Variants in CACNB2 observed in about 807,000 individuals in gnomAD.
CACNB2 encodes the protein calcium voltage-gated channel auxiliary subunit beta 2, also known as voltage-dependent L-type calcium channel subunit beta-2.
Under a neutral mutation model 73.3 loss-of-function variants are expected in CACNB2, and 42 were observed. The ratio of observed to expected loss-of-function variants is 0.57; its 90% CI spans 0.45 to 0.74. The LOEUF is 0.74. CACNB2 is among the 30% of genes least tolerant of loss of function. The pLI is 0.00. For synonymous variants in CACNB2, 348 were observed against 310.3 expected (o/e 1.12, Z -1.28); for missense variants, 940 against 853.0 (o/e 1.10, Z -1.27).
chr10:18,361,611 T>TC (rs774461285), intron 2 of CACNB2, among the ~76,000 whole-genome samples: 6 of 148,422 alleles, frequency 4.0e-5, no homozygotes, highest in African/African-American at 1.2e-4. Context: ...AAGGTAAAAT[T>TC]CTTTTTTTTT....
intron 5 of CACNB2, among the ~76,000 whole-genome samples, chr10:18,504,599 A>G (rs61066999): frequency 0.11 from 16,426 of 152,100 alleles, 1,289 homozygotes; most frequent in East Asian, 0.37. Context: ...ATGTGAAAAT[A>G]CTTTTACTTG....
In CACNB2 at chr10:18,278,190, G is replaced by A. The variant is rs540066779; in HGVS notation, c.214-123734G>A. Among the ~76,000 whole-genome samples, 3 of 152,168 alleles carry A rather than the reference G, an allele frequency of 2.0e-5. No individual in the cohort carries two copies. In the South Asian group the frequency reaches 6.2e-4, roughly 32 times the overall value. ...AAATGCAGGATTTAGCTTATGACTT[G>A]ATGTGGTGGCTGGGCACAGTGTCCC... On this transcript the variant is annotated intron_variant, in intron 2 of 13. Coordinates refer to ENST00000324631, the MANE Select transcript of CACNB2 (RefSeq NM_201596.3).
At chr10:18,417,605 T>G (rs2045066896) in intron 3 of CACNB2, among the ~76,000 whole-genome samples, 1 of 152,060 alleles carries the variant, frequency 6.6e-6, no homozygotes, top group African/African-American at 2.4e-5. Context: ...TGACCTCAAG[T>G]GATCCACCTG....
intron 2 of CACNB2, among the ~76,000 whole-genome samples, chr10:18,370,110 T>C (rs2042516158): frequency 1.3e-5 from 2 of 152,226 alleles, no homozygotes; most frequent in Admixed American, 1.3e-4. Flanking sequence ...TGGTTGCCAC[T>C]AGCCCTGCCT....
chr10:18,519,721 A>T, intron 9 of CACNB2: 1 of 456,018 alleles, frequency 2.2e-6, no homozygotes, highest in Non-Finnish European at 4.4e-6. Context: ...TTACAGGAAG[A>T]TTCCTTGAAA....
At chr10:18,302,400 C>T (rs1198420057) in intron 2 of CACNB2, among the ~76,000 whole-genome samples, 1 of 152,084 alleles carries the variant, frequency 6.6e-6, no homozygotes, top group Non-Finnish European at 1.5e-5. Flanking sequence ...CTTGCATGCA[C>T]GTTTATAGCA....
intron 13 of CACNB2, among the ~76,000 whole-genome samples, chr10:18,538,801 G>A (rs1271766062): frequency 6.6e-6 from 1 of 152,138 alleles, no homozygotes; most frequent in Non-Finnish European, 1.5e-5. Context: ...AGGGTCTACA[G>A]AACAGTGCCT....
chr10:18,194,051 G>A (rs935716967), intron 2 of CACNB2, among the ~76,000 whole-genome samples: 2 of 152,164 alleles, frequency 1.3e-5, no homozygotes, highest in African/African-American at 4.8e-5. Flanking sequence ...AGAAGCTGTG[G>A]TGTGAGCACA....
chr10:18,187,930 A>G (rs1247380265), intron 2 of CACNB2, among the ~76,000 whole-genome samples: 1 of 152,190 alleles, frequency 6.6e-6, no homozygotes, highest in East Asian at 1.9e-4. Context: ...TGAAGGGCTG[A>G]CAACAGTGGT....
chr10:18,410,695 G>T (rs2044572804), intron 3 of CACNB2, among the ~76,000 whole-genome samples: 1 of 151,970 alleles, frequency 6.6e-6, no homozygotes, highest in South Asian at 2.1e-4. Flanking sequence ...AAAAAAAAAT[G>T]TGTTGGCTGG....
chr10:18,155,851 AGAGAGAGAGAAT>A (rs2031999247), intron 2 of CACNB2, among the ~76,000 whole-genome samples: 1 of 145,062 alleles, frequency 6.9e-6, no homozygotes, highest in African/African-American at 2.6e-5. Flanking sequence ...TCTAGAGAAC[AGAGAGAGAGAAT>A]GAGAGAGAGA....
rs1554760464 is a variant in CACNB2, at chr10:18,152,728, A to AAAAC, written c.213+1756_213+1757insCAAA. Among the ~76,000 whole-genome samples the AAAAC allele has an allele frequency of 1.5e-4, 17 of 115,402 alleles. No homozygotes were observed. The East Asian group carries it at 4.5e-3, about 31-fold the overall frequency. The allele number at this position is 115,402 out of a possible 152,430, so 75.7% of individuals were successfully genotyped here. A position where few individuals can be genotyped will look rare whatever the true frequency, so the allele number is the denominator to read the frequency against. On this transcript the variant is annotated intron_variant, in intron 2 of 13. Transcript: ENST00000324631. Reference sequence around the variant, plus strand: ...ACAGACCAAAAAAAAAAAAAAAAAAAAAAACAAAAAACAAAACACTAGCTC... The same window carrying AAAAC: ...ACAGACCAAAAAAAAAAAAAAAAAAAAAACAAAACAAAAAACAAAACACTAGCTC...
intron 2 of CACNB2, among the ~76,000 whole-genome samples, chr10:18,256,045 A>C (rs1163497446): frequency 6.6e-6 from 1 of 152,222 alleles, no homozygotes; most frequent in Non-Finnish European, 1.5e-5. Context: ...CTGGCCAGGA[A>C]TAAATCCCTT....
intron 2 of CACNB2, among the ~76,000 whole-genome samples, chr10:18,282,606 G>A (rs1159916875): frequency 6.6e-6 from 1 of 152,192 alleles, no homozygotes; most frequent in Non-Finnish European, 1.5e-5. Flanking sequence ...AGAATGCTGA[G>A]CACTCTTTCT....
rs2053587888 is a variant in CACNB2 at position 18,536,275 on chromosome 10, G to GTTTTTTTTT, written c.1302+79_1302+80insTTTTTTTTT. The GTTTTTTTTT allele has an allele frequency of 7.6e-3, 706 of 92,442 alleles. 166 individuals are homozygous for GTTTTTTTTT. The highest frequency in any genetic ancestry group is 0.041 in the African/African-American group (417 of 10,144). The allele number at this position is 92,442 out of a possible 1,614,324, so 5.7% of individuals were successfully genotyped here. A position where few individuals can be genotyped will look rare whatever the true frequency, so the allele number is the denominator to read the frequency against. On this transcript the variant is annotated intron_variant, in intron 12 of 13. Transcript: ENST00000324631. The stretch of plus-strand genomic sequence containing the variant: ...TTTTTTTTTTTTTTTTTTTTTTTTG[G>GTTTTTTTTT]GGGACAAGGTCTTGCTCTGTTGCCC...
Position 18,325,910 on chromosome 10 carries a change from C to G in CACNB2, c.214-76014C>G, listed in dbSNP as rs1564438411. 2.0e-5 allele frequency among the ~76,000 whole-genome samples: 3 copies of G among 151,744 alleles called. 1 individual carries two copies. Among genetic ancestry groups the G allele is most frequent in the Admixed American group, 2.0e-4 (3 of 15,218 alleles). On this transcript the variant is annotated intron_variant, in intron 2 of 13. Coordinates refer to ENST00000324631, the MANE Select transcript of CACNB2 (RefSeq NM_201596.3). The stretch of plus-strand genomic sequence containing the variant: ...GAGGCGCACACCACCATGCTCAGCT[C>G]ATTTTTGTACTTTTTGTAGAGATGT...
chr10:18,520,158 T>C (rs746324829), intron 9 of CACNB2: 59 of 175,190 alleles, frequency 3.4e-4, no homozygotes, highest in Non-Finnish European at 5.2e-4. Flanking sequence ...GACCCATGTA[T>C]ACAATTGCCT....
chr10:18,210,426 A>G (rs2035270848), intron 2 of CACNB2, among the ~76,000 whole-genome samples: 2 of 152,040 alleles, frequency 1.3e-5, no homozygotes, highest in African/African-American at 4.8e-5. Context: ...ACAAAGGTGA[A>G]GAATGGTTTT....
chr10:18,402,408 G>A (rs552775523), intron 3 of CACNB2, among the ~76,000 whole-genome samples: 52 of 122,248 alleles, frequency 4.3e-4, no homozygotes, highest in African/African-American at 1.4e-3. Flanking sequence ...AAAAAAAACA[G>A]ACTGACTTCA....
Sources: gnomAD v4.1 joint callset for allele counts (sites outside exome capture counted in the v4.1 genomes callset) on GRCh38, gnomAD v4.1.1 for gene constraint, MANE v1.5 for transcripts, NCBI Gene and HGNC (gene_info 2026-07-23, HGNC 2026-07-21) for gene names.